Variants in ANKRD31 observed in about 807,000 individuals in gnomAD.
The protein encoded by ANKRD31 is ankyrin repeat domain-containing protein 31.
ANKRD31 carries 147 observed loss-of-function variants against 186.0 expected under a neutral mutation model. The observed-to-expected ratio is 0.79, with a 90% CI of 0.69 to 0.91. ANKRD31 has a LOEUF of 0.91. Among genes scored for constraint, ANKRD31 ranks in the 40% least tolerant of loss-of-function variants. ANKRD31 has a pLI of 0.00. For missense variants in ANKRD31, 1,986 were observed against 2,148.8 expected (o/e 0.92, Z 1.50); for synonymous variants, 673 against 736.4 (o/e 0.91, Z 1.39).
chr5:75,072,781 A>G (rs1456373077), intron 25 of ANKRD31, among the ~76,000 whole-genome samples: 1 of 152,200 alleles, frequency 6.6e-6, no homozygotes, highest in Non-Finnish European at 1.5e-5. Flanking sequence ...GCTCCACAAA[A>G]TATGCCAATT....
chr5:75,166,942 C>T (rs1266262896), intron 11 of ANKRD31, among the ~76,000 whole-genome samples: 1 of 152,088 alleles, frequency 6.6e-6, no homozygotes, highest in Admixed American at 6.6e-5. Context: ...ATTCACATGC[C>T]ACACAGTCTA....
intron 17 of ANKRD31, among the ~76,000 whole-genome samples, chr5:75,121,393 C>G (rs917186700): frequency 1.3e-5 from 2 of 152,064 alleles, no homozygotes; most frequent in East Asian, 3.9e-4. Context: ...CAGCACTAGA[C>G]AGATCACTGA....
At chr5:75,181,108 TATGCA>T (rs1754256249) in intron 10 of ANKRD31, among the ~76,000 whole-genome samples, 1 of 151,792 alleles carries the variant, frequency 6.6e-6, no homozygotes, top group Non-Finnish European at 1.5e-5. Flanking sequence ...AGAAGACATT[TATGCA>T]GCCAAAAAAC....
chr5:75,235,574 C>G (rs774164182), intron 1 of ANKRD31, among the ~76,000 whole-genome samples: 1 of 152,018 alleles, frequency 6.6e-6, no homozygotes, highest in Non-Finnish European at 1.5e-5. Context: ...AGGAAAATGA[C>G]CCCTGCATGC....
intron 20 of ANKRD31, among the ~76,000 whole-genome samples, chr5:75,112,065 T>C (rs1441925451): frequency 6.6e-6 from 1 of 152,172 alleles, no homozygotes; most frequent in Non-Finnish European, 1.5e-5. Context: ...CTGATCATAG[T>C]TCTGAATGTC....
At position 75,143,286 on chromosome 5, in the gene ANKRD31, A is replaced by C. The variant is rs58815851; in HGVS notation, c.3595+715T>G. 1.0e-3 allele frequency among the ~76,000 whole-genome samples: 159 copies of C among 152,282 alleles called. 1 individual carries two copies. Among genetic ancestry groups the C allele is most frequent in the African/African-American group, 3.5e-3 (146 of 41,556 alleles). The stretch of plus-strand genomic sequence containing the variant: ...CTTAACTTGATTACATATGCAAAGA[A>C]GGTAATAGGCATGCTTTTACTATAT... On this transcript the variant is annotated intron_variant, in intron 15 of 25. Transcript: ENST00000506364.
chr5:75,167,363 A>G (rs796393772), intron 11 of ANKRD31, among the ~76,000 whole-genome samples: 3 of 152,324 alleles, frequency 2.0e-5, no homozygotes, highest in African/African-American at 4.8e-5. Flanking sequence ...CCTGTTTTAC[A>G]TCTTTACTCC....
intron 18 of ANKRD31, among the ~76,000 whole-genome samples, chr5:75,117,524 T>C (rs1009501104): frequency 1.1e-4 from 16 of 152,192 alleles, no homozygotes; most frequent in African/African-American, 3.6e-4. Flanking sequence ...GTAAGGATGT[T>C]GGTAGGCTAG....
intron 19 of ANKRD31, 82 bp from the exon 20 acceptor site, chr5:75,112,682 T>C (rs1747885593): frequency 3.6e-6 from 3 of 825,090 alleles, no homozygotes; most frequent in East Asian, 2.9e-5. Flanking sequence ...ACAGAGTAAA[T>C]AAAATACTAA....
At chr5:75,074,895 C>A (rs1268663275) in intron 25 of ANKRD31, among the ~76,000 whole-genome samples, 2 of 152,158 alleles carry the variant, frequency 1.3e-5, no homozygotes, top group African/African-American at 4.8e-5. Context: ...AAGAACCTCC[C>A]TAGCTTCTTC....
At chr5:75,078,164 T>G (rs1744811943) in intron 25 of ANKRD31, among the ~76,000 whole-genome samples, 1 of 150,886 alleles carries the variant, frequency 6.6e-6, no homozygotes, top group Non-Finnish European at 1.5e-5. Context: ...GAATCGAGAG[T>G]GGTAAATAAG....
intron 11 of ANKRD31, among the ~76,000 whole-genome samples, chr5:75,168,475 G>T (rs1753081055): frequency 6.6e-6 from 1 of 152,072 alleles, no homozygotes; most frequent in South Asian, 2.1e-4. Context: ...ACCATTTATT[G>T]CAGTTACTAT....
At position 75,147,354 on chromosome 5, in the gene ANKRD31, G is replaced by A. The variant is rs1751537239; in HGVS notation, c.2057C>T (p.Pro686Leu). The change falls in exon 14 of 26, where the codon CCC becomes CTC. Residue 686 changes from proline (P) to leucine (L), a missense_variant. By Grantham distance (98) the Pro-to-Leu change is moderately conservative (BLOSUM62 -3). Transcript: ENST00000506364. The stretch of plus-strand genomic sequence containing the variant: ...GGATTTACCAAATTTTGTGTTTTTG[G>A]GATCTTTTTGGTAATATTCATATAC... ...EDVYEYYQKD[P>L]KNTKFGKSKH... 2 of 1,531,680 alleles carry A rather than the reference G, an allele frequency of 1.3e-6. No homozygotes were observed. The highest frequency in any genetic ancestry group is 1.7e-6 in the Non-Finnish European group (2 of 1,144,716). 94.9% of individuals were successfully genotyped at this position (1,531,680 alleles called of 1,614,324 possible).
chr5:75,176,109 C>T (rs1753777385), intron 10 of ANKRD31, among the ~76,000 whole-genome samples: 1 of 152,204 alleles, frequency 6.6e-6, no homozygotes, highest in African/African-American at 2.4e-5. Flanking sequence ...CTCAGAGGGT[C>T]CTATGCCCAC....
chr5:75,146,182 A>G lies in ANKRD31; in HGVS notation c.3229T>C (p.Ser1077Pro). ...GCAACTATGGATAAAGGCTCATTTG[A>G]ATAAATTATTTTTTGGTCTCTGTCA... ...YIDRDQKIIYSNEPLSIVAHS... is the reference protein window; with the variant it reads ...YIDRDQKIIYPNEPLSIVAHS... Residue 1077 changes from serine to proline, a missense_variant, in exon 14 of 26, where the codon TCA becomes CCA. Ser to Pro is a moderately conservative substitution (Grantham distance 74, BLOSUM62 -1). Coordinates refer to ENST00000506364, the MANE Select transcript of ANKRD31 (RefSeq NM_001372053.1). 1 of 1,535,678 alleles carries G rather than the reference A, an allele frequency of 6.5e-7. No homozygotes were observed. Among genetic ancestry groups the G allele is most frequent in the Non-Finnish European group, 8.7e-7 (1 of 1,146,164 alleles).
intron 6 of ANKRD31, among the ~76,000 whole-genome samples, chr5:75,197,632 C>CTTAGGATCTTAGGATCTTAG (rs1327995941): frequency 2.0e-5 from 3 of 152,108 alleles, no homozygotes; most frequent in African/African-American, 7.2e-5. Flanking sequence ...ATTCAAGAAC[C>CTTAGGATCTTAGGATCTTAG]AGATCCTACT....
intron 11 of ANKRD31, among the ~76,000 whole-genome samples, chr5:75,161,614 G>A (rs1335225217): frequency 2.0e-5 from 3 of 152,170 alleles, no homozygotes; most frequent in African/African-American, 7.2e-5. Flanking sequence ...CAAGACAATA[G>A]GGAATATGTC....
At chr5:75,130,999 AAGAG>A (rs1168556044) in intron 17 of ANKRD31, among the ~76,000 whole-genome samples, 1 of 152,206 alleles carries the variant, frequency 6.6e-6, no homozygotes, top group Non-Finnish European at 1.5e-5. Flanking sequence ...CGGCCCCACA[AAGAG>A]AGAACGGTGG....
chr5:75,129,894 T>C (rs1268809527), intron 17 of ANKRD31, among the ~76,000 whole-genome samples: 2 of 152,166 alleles, frequency 1.3e-5, no homozygotes, highest in Non-Finnish European at 2.9e-5. Context: ...AGGGAAGCCA[T>C]GACAGATGGT....
Sources: gnomAD v4.1 joint callset for allele counts (sites outside exome capture counted in the v4.1 genomes callset) on GRCh38, gnomAD v4.1.1 for gene constraint, MANE v1.5 for transcripts, NCBI Gene and HGNC (gene_info 2026-07-23, HGNC 2026-07-21) for gene names.